MTOR: variants seen among roughly 807,000 people sequenced by gnomAD.
MTOR encodes the protein mechanistic target of rapamycin kinase.
A neutral mutation model predicts 319.8 loss-of-function variants in MTOR; 70 were observed. That is an observed-to-expected ratio of 0.22 (90% CI 0.18 to 0.27). The LOEUF is 0.27. Among genes scored for constraint, MTOR ranks in the 10% least tolerant of loss-of-function variants. The pLI, the probability that MTOR is intolerant of heterozygous loss-of-function variation, is 1.00. For synonymous variants in MTOR, 1,183 were observed against 1,211.4 expected (o/e 0.98, Z 0.49); for missense variants, 1,890 against 3,274.4 (o/e 0.58, Z 10.32).
chr1:11,231,048 G>C lies in MTOR; in HGVS notation c.2656C>G (p.Arg886Gly). The stretch of plus-strand genomic sequence containing the variant: ...AAAGCCCCTAAAAGCCCTAACACAC[G>C]GATGGCCTGCGTGGGAAAGGGGAGG... ...QNQGTRREAI[R>G]VLGLLGALDP... Residue 886 changes from arginine to glycine, a missense_variant, in exon 18 of 58, where the codon CGT becomes GGT. By Grantham distance (125) the Arg-to-Gly change is moderately radical. Transcript: ENST00000361445. The C allele has an allele frequency of 6.2e-7, 1 of 1,614,074 alleles. No individual in the cohort carries two copies. The highest frequency in any genetic ancestry group is 8.5e-7 in the Non-Finnish European group (1 of 1,180,014).
intron 47 of MTOR, among the ~76,000 whole-genome samples, chr1:11,122,715 G>A (rs1428835980): frequency 6.6e-6 from 1 of 151,862 alleles, no homozygotes; most frequent in African/African-American, 2.4e-5. Flanking sequence ...CACTATGTTG[G>A]CCAGACTGGT....
In MTOR at chr1:11,237,822, TC is replaced by T; in HGVS notation, c.2208+20del. On this transcript the variant is annotated intron_variant, in intron 13 of 57. Transcript: ENST00000361445. ...GAGTCCTGTCTTCCCTGCCTGTGGG[TC>T]TGGCCATCACCTCGGTTACCTGGAT... is the stretch of plus-strand genomic sequence containing the variant. The T allele has an allele frequency of 6.2e-7, 1 of 1,613,448 alleles. No homozygotes were observed. Among genetic ancestry groups the T allele is most frequent in the Non-Finnish European group, 8.5e-7 (1 of 1,179,780 alleles).
intron 28 of MTOR, among the ~76,000 whole-genome samples, chr1:11,197,431 C>A (rs887087652): frequency 1.3e-5 from 2 of 152,164 alleles, no homozygotes; most frequent in African/African-American, 4.8e-5. Context: ...TGGGAAGACA[C>A]AGGAGACCAG....
At chr1:11,221,131 A>G (rs1035254354) in intron 19 of MTOR, among the ~76,000 whole-genome samples, 3 of 151,878 alleles carry the variant, frequency 2.0e-5, no homozygotes, top group South Asian at 2.1e-4. Context: ...AGTAGCTGAG[A>G]CTACAGGCAT....
chr1:11,258,337 G>A (rs941791136), intron 3 of MTOR, 148 bp downstream of exon 3: 8 of 622,688 alleles, frequency 1.3e-5, no homozygotes, highest in Non-Finnish European at 2.3e-5. Context: ...TTTTCCTGTG[G>A]CCCAGGGCTG....
intron 20 of MTOR, among the ~76,000 whole-genome samples, chr1:11,215,556 A>G (rs760141701): frequency 1.3e-5 from 2 of 152,208 alleles, no homozygotes; most frequent in Non-Finnish European, 2.9e-5. Context: ...TCTTCCCCGT[A>G]GAGACATTTA....
intron 34 of MTOR, among the ~76,000 whole-genome samples, chr1:11,143,567 T>C (rs1305062253): frequency 2.0e-5 from 3 of 152,210 alleles, no homozygotes; most frequent in Non-Finnish European, 2.9e-5. Context: ...ATGTGCTCAT[T>C]TCAGAGCCAT....
At position 11,122,051 on chromosome 1, in the gene MTOR, C is replaced by T. The variant is rs2100362671; in HGVS notation, c.6738G>A (p.Leu2246=). ...CCCTGTAGTCCCGGATGAGGGCGTG[C>T]AGTGTGTCACAGTGGGGAACCCAGC... ...LIGWVPHCDT[L]HALIRDYREK... is the part of the protein sequence containing the mutation. Residue 2246 remains leucine (L), a synonymous_variant, in exon 48 of 58, where the codon CTG becomes CTA. Coordinates refer to ENST00000361445, the MANE Select transcript of MTOR (RefSeq NM_004958.4). 2 of 1,614,204 alleles carry T rather than the reference C, an allele frequency of 1.2e-6. No homozygotes were observed. Among genetic ancestry groups the T allele is most frequent in the East Asian group, 2.2e-5 (1 of 44,886 alleles).
At chr1:11,196,858 A>AG (rs1207081003) in intron 28 of MTOR, among the ~76,000 whole-genome samples, 3 of 152,024 alleles carry the variant, frequency 2.0e-5, no homozygotes, top group Admixed American at 6.6e-5. Context: ...CTAAAAAAAA[A>AG]AAAAAGAAAA....
intron 30 of MTOR, chr1:11,152,244 T>C (rs1644173261): frequency 6.6e-6 from 1 of 152,154 alleles, no homozygotes; most frequent in African/African-American, 2.4e-5. Context: ...ACAACTAGGA[T>C]ATGTTTTTCT....
chr1:11,240,447 T>G lies in MTOR; in HGVS notation c.1642A>C (p.Met548Leu). The G allele has an allele frequency of 6.2e-7, 1 of 1,614,228 alleles. No individual in the cohort carries two copies. The highest frequency in any genetic ancestry group is 1.7e-4 in the Middle Eastern group (1 of 6,060). ...CCTGGGTGGCGAAGGGGTTTGTGCA[T>G]AAGGACCAGGGACAGCATTTTCAGT... ...GLLKMLSLVLMHKPLRHPGMP... is the reference protein window; with the variant it reads ...GLLKMLSLVLLHKPLRHPGMP... The change falls in exon 11 of 58, where the codon ATG becomes CTG. Residue 548 changes from methionine (M) to leucine (L), a missense_variant. Physicochemically the swap from Met to Leu is conservative, Grantham distance 15. Transcript: ENST00000361445.
intron 13 of MTOR, among the ~76,000 whole-genome samples, chr1:11,234,840 T>C (rs147303117): frequency 1.3e-5 from 2 of 151,924 alleles, no homozygotes; most frequent in Admixed American, 6.6e-5. Context: ...AGATAACACA[T>C]TGGTTCTAGC....
chr1:11,152,876 TA>T (rs1421714084), intron 30 of MTOR, among the ~76,000 whole-genome samples: 4 of 152,256 alleles, frequency 2.6e-5, no homozygotes, highest in Non-Finnish European at 4.4e-5. Context: ...CGACTCGTTT[TA>T]AAACCTCTTT....
intron 28 of MTOR, among the ~76,000 whole-genome samples, chr1:11,198,572 T>C (rs1185434121): frequency 1.3e-5 from 2 of 152,182 alleles, no homozygotes; most frequent in African/African-American, 4.8e-5. Context: ...AGCATTCACA[T>C]GAAGATAATG....
chr1:11,242,669 G>T (rs1648231203), intron 9 of MTOR, among the ~76,000 whole-genome samples: 1 of 152,230 alleles, frequency 6.6e-6, no homozygotes, highest in African/African-American at 2.4e-5. Flanking sequence ...GCAGGATGCT[G>T]AGGGGTTTTC....
chr1:11,239,442 A>G (rs1280723972), intron 11 of MTOR, among the ~76,000 whole-genome samples: 3 of 152,136 alleles, frequency 2.0e-5, no homozygotes, highest in African/African-American at 7.2e-5. Flanking sequence ...GTCTCCAGAC[A>G]GCATGTTCAG....
At chr1:11,169,130 A>C (rs975441518) in intron 28 of MTOR, among the ~76,000 whole-genome samples, 9 of 152,248 alleles carry the variant, frequency 5.9e-5, no homozygotes, top group Admixed American at 3.9e-4. Context: ...GCTGTTATAA[A>C]TATTATTTTT....
chr1:11,169,348 G>A (rs1571054620), intron 28 of MTOR, among the ~76,000 whole-genome samples: 2 of 152,198 alleles, frequency 1.3e-5, no homozygotes, highest in African/African-American at 4.8e-5. Context: ...TTTCACTAAC[G>A]GGGAAGCTAA....
At chr1:11,219,482 A>T (rs1413394805) in intron 19 of MTOR, among the ~76,000 whole-genome samples, 1 of 152,154 alleles carries the variant, frequency 6.6e-6, no homozygotes, top group Non-Finnish European at 1.5e-5. Flanking sequence ...GTTCTCATGG[A>T]CCACCTGGCA....
Sources: gnomAD v4.1 joint callset for allele counts (sites outside exome capture counted in the v4.1 genomes callset) on GRCh38, gnomAD v4.1.1 for gene constraint, MANE v1.5 for transcripts, NCBI Gene and HGNC (gene_info 2026-07-23, HGNC 2026-07-21) for gene names.